The following PLD5 variants were observed in gnomAD, a reference collection of about 807,000 sequenced individuals.
PLD5 encodes phospholipase D family member 5, also known as inactive phospholipase D5.
In PLD5, 36 loss-of-function variants were observed where a neutral mutation model predicts 61.1. The observed-to-expected ratio is 0.59, with a 90% CI of 0.45 to 0.78. The LOEUF (loss-of-function observed/expected upper bound fraction) is 0.78. Among genes scored for constraint, PLD5 ranks in the 30% least tolerant of loss-of-function variants. The pLI is 0.00. For missense variants in PLD5, 515 were observed against 644.4 expected, an observed-to-expected ratio of 0.80 and a Z score of 2.17; for synonymous variants, 243 against 242.8, an observed-to-expected ratio of 1.00 and a Z score of -0.01.
Position 242,162,961 on chromosome 1 carries a change from ATAG to A in PLD5, c.736-38299_736-38297del, listed in dbSNP as rs541032465. ...ATAATCAATACCATTCTTCACAAAA[ATAG>A]TAGGCAGAAATCCTGCAGCTTTCAT... On this transcript the variant is annotated intron_variant, in intron 5 of 9. Transcript: ENST00000536534. Among the ~76,000 whole-genome samples, 20 of 152,274 alleles carry A rather than the reference ATAG, an allele frequency of 1.3e-4. No homozygotes were observed. In the South Asian group the frequency reaches 3.9e-3, roughly 30 times the overall value.
intron 2 of PLD5, among the ~76,000 whole-genome samples, chr1:242,301,745 TTTA>T (rs1278443030): frequency 2.0e-5 from 3 of 147,684 alleles, no homozygotes; most frequent in Non-Finnish European, 4.5e-5. Flanking sequence ...CTTCCGTAGG[TTTA>T]TTTTTATTTT....
intron 1 of PLD5, among the ~76,000 whole-genome samples, chr1:242,421,999 G>A (rs12130702): frequency 0.23 from 35,194 of 151,920 alleles, 4,195 homozygotes; most frequent in Middle Eastern, 0.33. Context: ...GAGAAGGAGC[G>A]TGACTGATTA....
chr1:242,285,847 C>T (rs1674989932), intron 3 of PLD5, among the ~76,000 whole-genome samples: 1 of 152,110 alleles, frequency 6.6e-6, no homozygotes, highest in Non-Finnish European at 1.5e-5. Context: ...GTGGCTCACA[C>T]CTATAATCCC....
At chr1:242,174,951 T>C (rs374466590) in intron 5 of PLD5, among the ~76,000 whole-genome samples, 2 of 151,930 alleles carry the variant, frequency 1.3e-5, no homozygotes, top group African/African-American at 4.8e-5. Flanking sequence ...AAATGATGAG[T>C]TATTGGGTGC....
intron 9 of PLD5, among the ~76,000 whole-genome samples, chr1:242,096,667 G>A (rs1003334024): frequency 7.2e-6 from 1 of 138,814 alleles, no homozygotes. Context: ...TTGTTTGTTT[G>A]TTTTAAGTCT....
intron 1 of PLD5, among the ~76,000 whole-genome samples, chr1:242,391,215 G>T: frequency 6.6e-6 from 1 of 152,224 alleles, no homozygotes; most frequent in African/African-American, 2.4e-5. Context: ...AAAAGTTGTG[G>T]CTCCTGTTGT....
chr1:242,516,599 C>T (rs1476909209), intron 1 of PLD5, among the ~76,000 whole-genome samples: 1 of 152,188 alleles, frequency 6.6e-6, no homozygotes, highest in African/African-American at 2.4e-5. Context: ...TTTCCCACTG[C>T]ATTACAGAGT....
At chr1:242,253,607 C>T (rs1672844590) in intron 4 of PLD5, among the ~76,000 whole-genome samples, 1 of 152,140 alleles carries the variant, frequency 6.6e-6, no homozygotes. Flanking sequence ...GCCACCGCGC[C>T]CGGCCGCTTC....
At chr1:242,425,084 A>T (rs539110298) in intron 1 of PLD5, among the ~76,000 whole-genome samples, 1 of 152,294 alleles carries the variant, frequency 6.6e-6, no homozygotes, top group East Asian at 1.9e-4. Flanking sequence ...GTGAGCTGAG[A>T]TGGTGCCATT....
chr1:242,235,713 C>T (rs1386539045), intron 4 of PLD5: 2 of 152,140 alleles, frequency 1.3e-5, no homozygotes, highest in African/African-American at 4.8e-5. Context: ...TGCTCCTTGC[C>T]GTTCTTGAAG....
At chr1:242,475,366 T>G (rs1667560218) in intron 1 of PLD5, among the ~76,000 whole-genome samples, 1 of 135,470 alleles carries the variant, frequency 7.4e-6, no homozygotes, top group Non-Finnish European at 1.5e-5. Flanking sequence ...GAGCTTGCAG[T>G]GAGCCGAGAT....
intron 5 of PLD5, among the ~76,000 whole-genome samples, chr1:242,146,653 A>G (rs1664564694): frequency 6.6e-6 from 1 of 152,226 alleles, no homozygotes; most frequent in East Asian, 1.9e-4. Context: ...ATGACTCAGA[A>G]AAACAAAGAT....
chr1:242,468,297 A>G (rs926739323), intron 1 of PLD5, among the ~76,000 whole-genome samples: 8 of 152,242 alleles, frequency 5.3e-5, no homozygotes, highest in Admixed American at 4.6e-4. Context: ...GGTTAGATCA[A>G]CACCTAATAT....
intron 2 of PLD5, among the ~76,000 whole-genome samples, chr1:242,328,670 T>C (rs529063398): frequency 5.6e-4 from 85 of 152,344 alleles, no homozygotes; most frequent in African/African-American, 2.0e-3. Flanking sequence ...GAACAAGAGA[T>C]GCTTGGAAGT....
At chr1:242,258,446 A>AT (rs1319557116) in intron 4 of PLD5, among the ~76,000 whole-genome samples, 1 of 152,236 alleles carries the variant, frequency 6.6e-6, no homozygotes, top group Non-Finnish European at 1.5e-5. Flanking sequence ...TTTCTAGTTT[A>AT]TTACTAAATA....
At chr1:242,241,065 C>T (rs921589835) in intron 4 of PLD5, among the ~76,000 whole-genome samples, 2 of 152,118 alleles carry the variant, frequency 1.3e-5, no homozygotes, top group Admixed American at 6.5e-5. Flanking sequence ...AAGGAAATAG[C>T]GTTTGAGGAA....
chr1:242,404,354 T>C (rs1664108041), intron 1 of PLD5, among the ~76,000 whole-genome samples: 2 of 152,234 alleles, frequency 1.3e-5, no homozygotes, highest in African/African-American at 4.8e-5. Context: ...GATTAACCCA[T>C]GAGATAACCT....
At chr1:242,357,501 T>C (rs1403438597) in intron 1 of PLD5, among the ~76,000 whole-genome samples, 1 of 151,860 alleles carries the variant, frequency 6.6e-6, no homozygotes, top group Non-Finnish European at 1.5e-5. Context: ...TTTTTTTTTT[T>C]TGAGACGGAA....
chr1:242,101,089 T>C (rs1660649731), intron 8 of PLD5, among the ~76,000 whole-genome samples: 1 of 152,248 alleles, frequency 6.6e-6, no homozygotes, highest in Non-Finnish European at 1.5e-5. Flanking sequence ...CATTGTCTTA[T>C]TCATCGGGGT....
Sources: gnomAD v4.1 joint callset for allele counts (sites outside exome capture counted in the v4.1 genomes callset) on GRCh38, gnomAD v4.1.1 for gene constraint, MANE v1.5 for transcripts, NCBI Gene and HGNC (gene_info 2026-07-23, HGNC 2026-07-21) for gene names.